The following NRXN2 variants were observed in gnomAD, a reference collection of about 807,000 sequenced individuals.
NRXN2 encodes neurexin-2-beta.
A neutral mutation model predicts 128.8 loss-of-function variants in NRXN2; 29 were observed. The observed-to-expected ratio is 0.23, with a 90% CI of 0.17 to 0.31. The LOEUF (loss-of-function observed/expected upper bound fraction) is 0.31. NRXN2 is among the 10% of genes least tolerant of loss of function. The pLI, the probability that NRXN2 is intolerant of heterozygous loss-of-function variation, is 1.00. For synonymous variants in NRXN2, 1,098 were observed against 1,075.2 expected (o/e 1.02, Z -0.41); for missense variants, 1,881 against 2,452.6 (o/e 0.77, Z 4.92).
At chr11:64,666,602 C>T (rs991560963) in intron 9 of NRXN2, among the ~76,000 whole-genome samples, 2 of 151,920 alleles carry the variant, frequency 1.3e-5, no homozygotes, top group Admixed American at 6.6e-5. Context: ...CTCGCTCTGT[C>T]GCTCAAGCTG....
rs144630836 is a variant in NRXN2, at chr11:64,632,326, T to A, written c.3586-1753A>T. ...TCATACATGCATGCAGCCTCTCTCC[T>A]CAGATGCAGTAAAGCAGGGAAACTG... On this transcript the variant is annotated intron_variant, in intron 18 of 22. Transcript: ENST00000265459. The surrounding 1 kb of genome is among the most constrained non-coding windows in gnomAD (Gnocchi z 4.2). Among the ~76,000 whole-genome samples the A allele has an allele frequency of 3.9e-5, 6 of 152,246 alleles. No individual in the cohort carries two copies. The highest frequency in any genetic ancestry group is 3.4e-3 in the Middle Eastern group (1 of 294).
intron 2 of NRXN2, 115 bp from the exon 3 acceptor site, chr11:64,697,907 C>G: frequency 8.3e-7 from 1 of 1,208,414 alleles, no homozygotes; most frequent in East Asian, 2.4e-5. Flanking sequence ...CAAGCCCACC[C>G]AGGCCCTGAC....
intron 22 of NRXN2, among the ~76,000 whole-genome samples, chr11:64,619,214 G>A (rs2041963683): frequency 6.6e-6 from 1 of 151,990 alleles, no homozygotes; most frequent in African/African-American, 2.4e-5. Flanking sequence ...CAAGGTAATG[G>A]GGAGAAGTCT....
At chr11:64,688,359 C>G (rs1166927560) in intron 5 of NRXN2, 3 of 985,308 alleles carry the variant, frequency 3.0e-6, no homozygotes, top group Middle Eastern at 5.2e-4. Context: ...AACCTGAAAG[C>G]CTTCGAGAAG....
chr11:64,682,218 C>T (rs569926479), intron 6 of NRXN2, among the ~76,000 whole-genome samples: 6 of 148,750 alleles, frequency 4.0e-5, no homozygotes, highest in Admixed American at 6.7e-5. Flanking sequence ...GAGGACTCTG[C>T]CCCTGGGGCA....
In NRXN2 at chr11:64,631,518, T is replaced by C. The variant is rs767619226; in HGVS notation, c.3586-945A>G. Among the ~76,000 whole-genome samples, 5 of 151,940 alleles carry C rather than the reference T, an allele frequency of 3.3e-5. No individual in the cohort carries two copies. The highest frequency in any genetic ancestry group is 1.3e-4 in the Admixed American group (2 of 15,268). ...ATCATGCCAGGCCCTGAGTGGGTAC[T>C]GTACACGCATGCTCTCTTCCCTACA... On this transcript the variant is annotated intron_variant, in intron 18 of 22. Coordinates refer to ENST00000265459, the MANE Select transcript of NRXN2 (RefSeq NM_015080.4). The surrounding 1 kb of genome is among the most constrained non-coding windows in gnomAD (Gnocchi z 4.8).
Position 64,626,493 on chromosome 11 carries a change from G to A in NRXN2, c.3817C>T (p.Arg1273Ter), listed in dbSNP as rs140864501. 1.9e-6 allele frequency: 3 copies of A among 1,613,876 alleles called. No individual in the cohort carries two copies. Among genetic ancestry groups the A allele is most frequent in the Non-Finnish European group, 2.5e-6 (3 of 1,179,850 alleles). ...ARQRIPYRLGRVVDEWLLDKG... is the reference protein window; with the variant it reads ...ARQRIPYRLG ...TCGAGCAGCCACTCATCTACTACTC[G>A]ACCAAGCCGGTAGGGGATTCTCTGT... The change falls in exon 20 of 23, where the codon CGA (arginine) becomes TGA (stop). Residue 1273 changes from arginine to a stop codon, truncating the protein, a stop_gained. Transcript: ENST00000265459. LOFTEE classifies it high-confidence loss of function.
chr11:64,716,867 A>G (rs2057318335), intron 1 of NRXN2, among the ~76,000 whole-genome samples: 1 of 152,004 alleles, frequency 6.6e-6, no homozygotes, highest in Admixed American at 6.5e-5. Flanking sequence ...GAGCCAGCGG[A>G]CACCTGGGTC....
intron 1 of NRXN2, among the ~76,000 whole-genome samples, chr11:64,721,749 G>T (rs1380020418): frequency 6.6e-6 from 1 of 152,002 alleles, no homozygotes; most frequent in Non-Finnish European, 1.5e-5. Flanking sequence ...TAGACAACAG[G>T]GAAGGATAAG....
intron 6 of NRXN2, among the ~76,000 whole-genome samples, chr11:64,680,130 T>G (rs1565391395): frequency 6.6e-6 from 1 of 152,154 alleles, no homozygotes; most frequent in Non-Finnish European, 1.5e-5. Context: ...TCTTTCTGAC[T>G]CAAACACCAA....
chr11:64,616,688 C>T (rs2041582833), intron 22 of NRXN2, among the ~76,000 whole-genome samples: 1 of 152,190 alleles, frequency 6.6e-6, no homozygotes, highest in African/African-American at 2.4e-5. Context: ...AAGTCTGTCT[C>T]TGGGTCTGAG....
chr11:64,690,420 G>A lies in NRXN2; in HGVS notation c.835C>T (p.His279Tyr), dbSNP rs141807338. The change falls in exon 5 of 23, where the codon CAC (histidine) becomes TAC (tyrosine). Residue 279 changes from histidine (H) to tyrosine (Y), a missense_variant. His to Tyr is a moderately conservative substitution (Grantham distance 83). Transcript: ENST00000265459. ...GAGRGGAGDV[H>Y]QPTKGKEEFV... ...GGTCACTGACCTTTTGTTGGCTGGT[G>A]CACATCGCCGGCTCCTCCTCTCCCG... 2.1e-4 allele frequency: 334 copies of A among 1,613,116 alleles called. No individual in the cohort carries two copies. The highest frequency in any genetic ancestry group is 2.8e-4 in the Non-Finnish European group (328 of 1,179,726).
At chr11:64,616,794 T>C (rs1204611210) in intron 22 of NRXN2, among the ~76,000 whole-genome samples, 2 of 152,140 alleles carry the variant, frequency 1.3e-5, no homozygotes, top group South Asian at 4.1e-4. Context: ...CACACATAGC[T>C]CAGAACACAG....
chr11:64,680,213 G>A (rs2052011451), intron 6 of NRXN2, among the ~76,000 whole-genome samples: 1 of 152,158 alleles, frequency 6.6e-6, no homozygotes, highest in Non-Finnish European at 1.5e-5. Context: ...TGAAATATGA[G>A]TGTAGCTCCA....
rs1050351335 is a variant in NRXN2 at position 64,651,198 on chromosome 11, G to A, written c.2918+57C>T. ...CCAGTAGCCAGGAGAGCTGTATGTG[G>A]TTCAGCAGGGGGAGGGGGCCACCTC... On this transcript the variant is annotated intron_variant, in intron 14 of 22. Transcript: ENST00000265459. The surrounding 1 kb of genome is among the most constrained non-coding windows in gnomAD (Gnocchi z 5.9). 8.7e-6 allele frequency: 14 copies of A among 1,608,744 alleles called. No individual in the cohort carries two copies. In the South Asian group the frequency reaches 8.8e-5, roughly 10 times the overall value.
rs772515459 is a variant in NRXN2 at position 64,652,047 on chromosome 11, C to T, written c.2524G>A (p.Val842Met). The T allele has an allele frequency of 1.2e-6, 2 of 1,612,600 alleles. No individual in the cohort carries two copies. Among genetic ancestry groups the T allele is most frequent in the Non-Finnish European group, 1.7e-6 (2 of 1,179,986 alleles). ...GKSLQLSVDN[V>M]TVEGQMAGAH... The stretch of plus-strand genomic sequence containing the variant: ...CCAGACCACCTACCCTCCACAGTCA[C>T]GTTGTCCACAGACAGCTGCAGGCTC... Residue 842 changes from valine (V) to methionine (M), a missense_variant, in exon 13 of 23, where the codon GTG (valine) becomes ATG (methionine). Val to Met is a conservative substitution (Grantham distance 21). This residue lies in a region of NRXN2 where 997 missense variants were observed against 1,240.8 expected (regional missense o/e 0.80). Transcript: ENST00000265459.
intron 4 of NRXN2, among the ~76,000 whole-genome samples, chr11:64,691,849 C>T (rs938447996): frequency 5.9e-5 from 9 of 152,334 alleles, no homozygotes; most frequent in Admixed American, 5.9e-4. Context: ...TTTCTCCCTG[C>T]AGCCCAATCT....
chr11:64,681,116 TA>T (rs555728992), intron 6 of NRXN2, among the ~76,000 whole-genome samples: 9,691 of 117,962 alleles, frequency 0.082, 874 homozygotes, highest in African/African-American at 0.24. Flanking sequence ...AAAAAAAAAG[TA>T]AAAAAAAAAA....
chr11:64,648,439 G>A lies in NRXN2; in HGVS notation c.3284-101C>T. 6.4e-7 allele frequency: 1 copy of A among 1,572,490 alleles called. No individual in the cohort carries two copies. The highest frequency in any genetic ancestry group is 8.7e-7 in the Non-Finnish European group (1 of 1,147,516). The stretch of plus-strand genomic sequence containing the variant: ...GAGCCAGGCAGAGAGGTCCTACTCT[G>A]AGCTCTGCCTGGCTGAAAGGGCCAA... On this transcript the variant is annotated intron_variant, in intron 16 of 22. Coordinates refer to ENST00000265459, the MANE Select transcript of NRXN2 (RefSeq NM_015080.4). The surrounding 1 kb of genome is among the most constrained non-coding windows in gnomAD (Gnocchi z 4.1).
Sources: allele counts gnomAD v4.1 joint callset (sites outside exome capture counted in the v4.1 genomes callset), GRCh38; gene constraint gnomAD v4.1.1; regional missense constraint gnomAD v4.1.1; non-coding constraint Gnocchi (gnomAD v3.1); transcripts MANE v1.5; gene names NCBI Gene and HGNC (gene_info 2026-07-23, HGNC 2026-07-21).